BFSP2: variants seen among roughly 807,000 people sequenced by gnomAD.
BFSP2 encodes the protein beaded filament structural protein 2.
BFSP2 carries 38 observed loss-of-function variants against 44.9 expected under a neutral mutation model. That is an observed-to-expected ratio of 0.85 (90% CI 0.65 to 1.11). BFSP2 has a LOEUF of 1.11. Among genes scored for constraint, BFSP2 ranks in the 50% least tolerant of loss-of-function variants. BFSP2 has a pLI of 0.00. For synonymous variants in BFSP2, 197 were observed against 209.9 expected (o/e 0.94, Z 0.53); for missense variants, 525 against 533.0 (o/e 0.99, Z 0.15).
At chr3:133,418,394 C>T (rs2073564359) in intron 1 of BFSP2, among the ~76,000 whole-genome samples, 1 of 152,154 alleles carries the variant, frequency 6.6e-6, no homozygotes, top group Admixed American at 6.5e-5. Flanking sequence ...AAGATGAAAC[C>T]ATTGCTCTCA....
At chr3:133,464,341 T>C (rs1453728993) in intron 4 of BFSP2, among the ~76,000 whole-genome samples, 7 of 152,200 alleles carry the variant, frequency 4.6e-5, no homozygotes, top group Non-Finnish European at 2.9e-5. Flanking sequence ...TTTCTGTCTC[T>C]CACTGGCCAT....
chr3:133,475,049 C>T lies in BFSP2; in HGVS notation c.*77C>T, dbSNP rs1559987839. On this transcript the variant is annotated 3_prime_UTR_variant, in exon 7 of 7. Transcript: ENST00000302334. ...CCCAAGAAGTTGCTTGAGGAGCTTT[C>T]TCCTGAGCTCCAGTCCCTGCTGGAT... 6.4e-7 allele frequency: 1 copy of T among 1,566,526 alleles called. No homozygotes were observed. Among genetic ancestry groups the T allele is most frequent in the Non-Finnish European group, 8.8e-7 (1 of 1,136,806 alleles).
intron 1 of BFSP2, among the ~76,000 whole-genome samples, chr3:133,401,394 AT>A (rs1334432599): frequency 6.6e-6 from 1 of 152,172 alleles, no homozygotes; most frequent in Non-Finnish European, 1.5e-5. Context: ...TTGCATTTTT[AT>A]TTTATCTAAT....
chr3:133,410,308 G>A (rs2073438106), intron 1 of BFSP2: 2 of 374,702 alleles, frequency 5.3e-6, no homozygotes, highest in South Asian at 2.1e-5. Context: ...CCAGTAGACC[G>A]GTGCAGGTGG....
intron 4 of BFSP2, among the ~76,000 whole-genome samples, chr3:133,452,782 CA>C (rs1443153761): frequency 6.6e-6 from 1 of 152,194 alleles, no homozygotes; most frequent in Non-Finnish European, 1.5e-5. Context: ...AGAGGCCCAG[CA>C]GTTTGCAAAC....
chr3:133,431,692 T>C (rs1346987419), intron 1 of BFSP2, among the ~76,000 whole-genome samples: 2 of 152,074 alleles, frequency 1.3e-5, no homozygotes, highest in African/African-American at 4.8e-5. Context: ...CCCCTTCTTA[T>C]CAATACGAGG....
At chr3:133,472,696 C>T in intron 6 of BFSP2, 131 bp downstream of exon 6, 1 of 1,050,748 alleles carries the variant, frequency 9.5e-7, no homozygotes, top group Non-Finnish European at 1.4e-6. Context: ...GGCACCCATT[C>T]CCACAGCCTA....
chr3:133,403,309 C>T (rs1450309305), intron 1 of BFSP2, among the ~76,000 whole-genome samples: 2 of 152,302 alleles, frequency 1.3e-5, no homozygotes, highest in African/African-American at 2.4e-5. Flanking sequence ...GTTCCGTGCT[C>T]CTCACAGCAC....
intron 1 of BFSP2, among the ~76,000 whole-genome samples, chr3:133,406,506 T>A (rs1406325850): frequency 6.6e-6 from 1 of 152,116 alleles, no homozygotes; most frequent in African/African-American, 2.4e-5. Context: ...GAAAATTAGA[T>A]GTGATGCAAA....
intron 1 of BFSP2, among the ~76,000 whole-genome samples, chr3:133,444,393 C>T (rs1295924847): frequency 2.6e-5 from 4 of 152,134 alleles, no homozygotes; most frequent in Non-Finnish European, 4.4e-5. Flanking sequence ...GTATTATTAT[C>T]TTCATTTTAT....
chr3:133,422,617 T>C (rs556116141), intron 1 of BFSP2, among the ~76,000 whole-genome samples: 1 of 152,322 alleles, frequency 6.6e-6, no homozygotes, highest in East Asian at 1.9e-4. Context: ...CAGCCTCCGA[T>C]GAGCTCATTG....
intron 1 of BFSP2, 82 bp from the exon 2 acceptor site, chr3:133,447,235 T>C (rs1457922217): frequency 4.1e-6 from 6 of 1,450,952 alleles, no homozygotes; most frequent in Non-Finnish European, 5.8e-6. Flanking sequence ...CCAGAGCCTC[T>C]GTGCCTAACA....
rs375248662 is a variant in BFSP2, at chr3:133,400,268, C to A, written c.185C>A (p.Pro62His). ...RAPGVYVGTA[P>H]SGCIGGLGAR... is the part of the protein sequence containing the mutation. ...CCCGGGGTCTATGTAGGAACAGCAC[C>A]CAGTGGGTGCATAGGTGGCTTGGGT... The change falls in exon 1 of 7, where the codon CCC becomes CAC. Residue 62 changes from proline (P) to histidine (H), a missense_variant. Coordinates refer to ENST00000302334, the MANE Select transcript of BFSP2 (RefSeq NM_003571.4). The surrounding 1 kb of genome is among the most constrained non-coding windows in gnomAD (Gnocchi z 4.0). 2.5e-6 allele frequency: 4 copies of A among 1,613,870 alleles called. No homozygotes were observed. The African/African-American group carries it at 4.0e-5, about 16-fold the overall frequency.
intron 1 of BFSP2, among the ~76,000 whole-genome samples, chr3:133,439,609 A>G (rs1382343682): frequency 6.6e-6 from 1 of 152,238 alleles, no homozygotes; most frequent in Admixed American, 6.5e-5. Context: ...CAGACAAAGG[A>G]AAGTAGGAGG....
intron 2 of BFSP2, among the ~76,000 whole-genome samples, chr3:133,448,101 G>A (rs1010492772): frequency 6.6e-6 from 1 of 152,122 alleles, no homozygotes; most frequent in Non-Finnish European, 1.5e-5. Flanking sequence ...TTATTTTGGG[G>A]TCCCCACCCT....
chr3:133,405,781 G>A (rs1349549065), intron 1 of BFSP2, among the ~76,000 whole-genome samples: 1 of 152,162 alleles, frequency 6.6e-6, no homozygotes, highest in Non-Finnish European at 1.5e-5. Flanking sequence ...ACTACAGTAT[G>A]GTTAGAAATG....
chr3:133,442,663 GAA>G (rs1460799687), intron 1 of BFSP2, among the ~76,000 whole-genome samples: 1 of 152,068 alleles, frequency 6.6e-6, no homozygotes, highest in South Asian at 2.1e-4. Context: ...GAGGTAGAGA[GAA>G]ATAAATGGAT....
intron 1 of BFSP2, among the ~76,000 whole-genome samples, chr3:133,413,057 G>A (rs1322121218): frequency 1.3e-5 from 2 of 152,234 alleles, no homozygotes; most frequent in African/African-American, 2.4e-5. Context: ...AGCACACATA[G>A]GGGCTGCGGA....
In BFSP2 at chr3:133,474,713, T is replaced by C. The variant is rs6780867; in HGVS notation, c.1245-256T>C. ...GGCAGACCTGACTCTTGATTATTTT[T>C]GTTTATCCTCCAAACCCTGCCAAGA... On this transcript the variant is annotated intron_variant, in intron 6 of 6. Coordinates refer to ENST00000302334, the MANE Select transcript of BFSP2 (RefSeq NM_003571.4). Among the ~76,000 whole-genome samples the C allele has an allele frequency of 0.031, 4,646 of 152,308 alleles. 223 individuals are homozygous for C. The highest frequency in any genetic ancestry group is 0.1 in the African/African-American group (4,243 of 41,562).
Sources: gnomAD v4.1 joint callset for allele counts (sites outside exome capture counted in the v4.1 genomes callset) on GRCh38, gnomAD v4.1.1 for gene constraint, Gnocchi (gnomAD v3.1) non-coding constraint, MANE v1.5 for transcripts, NCBI Gene and HGNC (gene_info 2026-07-23, HGNC 2026-07-21) for gene names.